The following FBXO4 variants were observed in gnomAD, a reference collection of about 807,000 sequenced individuals.
FBXO4 encodes the protein F-box only protein 4.
In FBXO4, 36 loss-of-function variants were observed where a neutral mutation model predicts 43.7. That is an observed-to-expected ratio of 0.82 (90% CI 0.63 to 1.09). The LOEUF (loss-of-function observed/expected upper bound fraction) is 1.09, where lower values mean the gene tolerates loss of function less well. Among genes scored for constraint, FBXO4 ranks in the 50% least tolerant of loss-of-function variants. FBXO4 has a pLI of 0.00. For synonymous variants in FBXO4, 180 were observed against 165.6 expected, an observed-to-expected ratio of 1.09 and a Z score of -0.67; for missense variants, 435 against 474.1, an observed-to-expected ratio of 0.92 and a Z score of 0.77.
At chr5:41,967,561 T>A in the FBXO4 span, 2 of 1,061,518 alleles carry the variant, frequency 1.9e-6, no homozygotes, top group Admixed American at 1.8e-5. Context: ...GCAGTGACAT[T>A]GCAATAGGCA....
intron 6 of FBXO4, among the ~76,000 whole-genome samples, 160 bp from the exon 7 acceptor site, chr5:41,941,032 C>T (rs1234664103): frequency 6.6e-6 from 1 of 152,148 alleles, no homozygotes; most frequent in African/African-American, 2.4e-5. Flanking sequence ...ATATTTTTAT[C>T]TAAGTGCTCT....
the FBXO4 span, among the ~76,000 whole-genome samples, chr5:41,977,739 G>A: frequency 3.3e-5 from 5 of 152,070 alleles, no homozygotes; most frequent in African/African-American, 4.8e-5. Context: ...ATGCCTGGTC[G>A]CTGTCCATAT....
chr5:41,945,006 G>T (rs1455263766), downstream of FBXO4, among the ~76,000 whole-genome samples: 1 of 152,190 alleles, frequency 6.6e-6, no homozygotes, highest in African/African-American at 2.4e-5. Flanking sequence ...TTGACAAGTT[G>T]TGTCAAGAGC....
At chr5:41,975,769 G>C in the FBXO4 span, among the ~76,000 whole-genome samples, 3 of 152,084 alleles carry the variant, frequency 2.0e-5, no homozygotes, top group Admixed American at 6.6e-5. Flanking sequence ...AAACTTTTTT[G>C]ATCTGGACAC....
chr5:41,926,440 G>A (rs927265095), intron 1 of FBXO4, among the ~76,000 whole-genome samples: 3 of 152,154 alleles, frequency 2.0e-5, no homozygotes, highest in Non-Finnish European at 1.5e-5. Flanking sequence ...GGGCTTGGTG[G>A]CAGGCGCCTG....
At chr5:41,927,296 G>A (rs758655101) in intron 2 of FBXO4, 48 bp downstream of exon 2, 1 of 1,348,144 alleles carries the variant, frequency 7.4e-7, no homozygotes, top group Non-Finnish European at 1.0e-6. Context: ...AAATTTTCCT[G>A]TATTACTAGT....
chr5:41,981,026 G>GAT, the FBXO4 span, among the ~76,000 whole-genome samples: 3 of 151,646 alleles, frequency 2.0e-5, no homozygotes, highest in Non-Finnish European at 4.4e-5. Flanking sequence ...ATCCTCACTA[G>GAT]ATATATATAA....
At chr5:41,939,303 G>C in intron 5 of FBXO4, 138 bp from the exon 6 acceptor site, 1 of 697,002 alleles carries the variant, frequency 1.4e-6, no homozygotes, top group South Asian at 2.2e-5. Flanking sequence ...CATCTGAAGA[G>C]TACTGTGATT....
At chr5:41,997,603 C>T in the FBXO4 span, among the ~76,000 whole-genome samples, 2 of 152,110 alleles carry the variant, frequency 1.3e-5, no homozygotes, top group African/African-American at 2.4e-5. Context: ...ACACTGGACC[C>T]ATTGTAAGTT....
At position 41,934,178 on chromosome 5, in the gene FBXO4, C is replaced by T; in HGVS notation, c.768C>T (p.Asn256=). Residue 256 remains asparagine, a synonymous_variant, in exon 5 of 7, where the codon AAC becomes AAT. Coordinates refer to ENST00000281623, the MANE Select transcript of FBXO4 (RefSeq NM_012176.3). ...RAREEHTSAV[N]KMFSRHNEGD... is the part of the protein sequence containing the mutation. The stretch of plus-strand genomic sequence containing the variant: ...GGGAAGAGCATACAAGTGCAGTTAA[C>T]AAGATGTTCAGTCGACACAATGAAG... 1.2e-6 allele frequency: 2 copies of T among 1,613,958 alleles called. No homozygotes were observed. Among genetic ancestry groups the T allele is most frequent in the South Asian group, 1.1e-5 (1 of 91,078 alleles).
Position 41,935,515 on chromosome 5 carries a change from C to G in FBXO4, c.898+1207C>G, listed in dbSNP as rs114405013. On this transcript the variant is annotated intron_variant, in intron 5 of 6. Transcript: ENST00000281623. The stretch of plus-strand genomic sequence containing the variant: ...AACAAAAGCTGTCTTAGGGGAGGAG[C>G]AGGAATTCCACTTGTACCAAGGATC... Among the ~76,000 whole-genome samples, 1,364 of 152,326 alleles carry G rather than the reference C, an allele frequency of 9.0e-3. 28 individuals are homozygous for G. Among genetic ancestry groups the G allele is most frequent in the African/African-American group, 0.032 (1,311 of 41,574 alleles).
chr5:41,957,475 A>G, the FBXO4 span, among the ~76,000 whole-genome samples: 1 of 148,664 alleles, frequency 6.7e-6, no homozygotes, highest in African/African-American at 2.4e-5. Context: ...AACTATATTA[A>G]TAACAATAAT....
chr5:41,985,852 T>C, the FBXO4 span, among the ~76,000 whole-genome samples: 1 of 152,170 alleles, frequency 6.6e-6, no homozygotes, highest in Admixed American at 6.5e-5. Flanking sequence ...GTTAGCTTTT[T>C]GCTAACTTTG....
the FBXO4 span, among the ~76,000 whole-genome samples, chr5:42,027,957 C>T: frequency 6.6e-6 from 1 of 152,000 alleles, no homozygotes; most frequent in African/African-American, 2.4e-5. Flanking sequence ...AACATATGGT[C>T]TATCATTGAG....
chr5:42,019,708 C>CAAG, the FBXO4 span, among the ~76,000 whole-genome samples: 1 of 149,796 alleles, frequency 6.7e-6, no homozygotes, highest in Non-Finnish European at 1.5e-5. Flanking sequence ...AAAAAAAAAA[C>CAAG]CAAGAAAGAA....
chr5:41,981,866 A>T, the FBXO4 span, among the ~76,000 whole-genome samples: 1 of 151,508 alleles, frequency 6.6e-6, no homozygotes, highest in South Asian at 2.1e-4. Context: ...CTCATTTAGC[A>T]TTAGGTATAT....
the FBXO4 span, among the ~76,000 whole-genome samples, chr5:41,998,656 T>C: frequency 6.6e-6 from 1 of 152,152 alleles, no homozygotes; most frequent in African/African-American, 2.4e-5. Flanking sequence ...TCCACAATTA[T>C]CCCATACCCT....
chr5:41,980,926 C>A, the FBXO4 span, among the ~76,000 whole-genome samples: 1 of 152,062 alleles, frequency 6.6e-6, no homozygotes, highest in Non-Finnish European at 1.5e-5. Context: ...CTACTGCTAA[C>A]ATTCATAGTA....
the FBXO4 span, among the ~76,000 whole-genome samples, chr5:41,983,272 G>A: frequency 6.6e-6 from 1 of 151,978 alleles, no homozygotes; most frequent in Non-Finnish European, 1.5e-5. Flanking sequence ...ACTCTGTATT[G>A]TCTATATGAT....
Sources: gnomAD v4.1 joint callset for allele counts (sites outside exome capture counted in the v4.1 genomes callset) on GRCh38, gnomAD v4.1.1 for gene constraint, MANE v1.5 for transcripts, NCBI Gene and HGNC (gene_info 2026-07-23, HGNC 2026-07-21) for gene names.